The following DST variants were observed in gnomAD, a reference collection of about 807,000 sequenced individuals.
The protein encoded by DST is dystonin.
Under a neutral mutation model 875.2 loss-of-function variants are expected in DST, and 253 were observed. The ratio of observed to expected loss-of-function variants is 0.29; its 90% CI spans 0.26 to 0.32. DST has a LOEUF of 0.32. Among genes scored for constraint, DST ranks in the 10% least tolerant of loss-of-function variants. The pLI is 1.00. For missense variants in DST, 8,287 were observed against 9,111.6 expected (o/e 0.91, Z 3.68); for synonymous variants, 3,124 against 3,197.1 (o/e 0.98, Z 0.77).
intron 5 of DST, among the ~76,000 whole-genome samples, chr6:56,732,595 C>T (rs2099505189): frequency 6.6e-6 from 1 of 152,132 alleles, no homozygotes; most frequent in African/African-American, 2.4e-5. Flanking sequence ...GTAACAGTAA[C>T]TTATACAATC....
chr6:56,824,498 G>C (rs1223855971), intron 4 of DST, among the ~76,000 whole-genome samples: 1 of 150,746 alleles, frequency 6.6e-6, no homozygotes, highest in Non-Finnish European at 1.5e-5. Context: ...CCCTCTCCCT[G>C]GCTGCCCAGT....
chr6:56,736,577 T>C (rs956788092), intron 4 of DST, among the ~76,000 whole-genome samples: 5 of 152,192 alleles, frequency 3.3e-5, no homozygotes, highest in African/African-American at 1.2e-4. Flanking sequence ...TTCTCCATCC[T>C]TTCCCTGGGG....
intron 2 of DST, among the ~76,000 whole-genome samples, chr6:56,916,770 T>TCACACA (rs1801202858): frequency 9.7e-6 from 1 of 103,274 alleles, no homozygotes; most frequent in African/African-American, 3.9e-5. Context: ...TCTCTCTCTC[T>TCACACA]CTCTCTCTCA....
chr6:56,560,294 C>T lies in DST; in HGVS notation c.14440G>A (p.Asp4814Asn), dbSNP rs200442117. ...PRWKQMLTEIDSKWQELNQLT... is the reference protein window; with the variant it reads ...PRWKQMLTEINSKWQELNQLT... Reference sequence around the variant, plus strand: ...CATTCATCTAAGTAACGCAACATACCTATTTCTGTCAACATCTGTTTCCAT... The same window carrying T: ...CATTCATCTAAGTAACGCAACATACTTATTTCTGTCAACATCTGTTTCCAT... The change falls in exon 58 of 104, where the codon GAT (aspartate) becomes AAT (asparagine). Residue 4814 changes from aspartate to asparagine, a missense_variant and splice_region_variant. This residue lies in a region of DST where 1,513 missense variants were observed against 1,677.8 expected (regional missense o/e 0.90). Coordinates refer to ENST00000680361, the MANE Select transcript of DST (RefSeq NM_001374736.1). The T allele has an allele frequency of 3.2e-4, 507 of 1,604,470 alleles. 1 individual carries two copies. In the African/African-American group the frequency reaches 4.8e-3, roughly 15 times the overall value.
At chr6:56,626,921 T>C (rs2098739867) in intron 34 of DST, among the ~76,000 whole-genome samples, 1 of 151,788 alleles carries the variant, frequency 6.6e-6, no homozygotes, top group South Asian at 2.1e-4. Context: ...ACCCTAACAA[T>C]GTTAAAGAAA....
chr6:56,759,960 A>C (rs960266166), intron 4 of DST, among the ~76,000 whole-genome samples: 2 of 152,238 alleles, frequency 1.3e-5, no homozygotes, highest in Non-Finnish European at 2.9e-5. Context: ...TGCACTGCAT[A>C]TGTCAAAATC....
chr6:56,603,090 T>C, intron 42 of DST, 59 bp from the exon 43 acceptor site: 1 of 1,541,632 alleles, frequency 6.5e-7, no homozygotes, highest in East Asian at 2.3e-5. Flanking sequence ...TTCTTACAAA[T>C]AATGACTGTG....
chr6:56,952,765 C>T (rs1229628835), intron 2 of DST, among the ~76,000 whole-genome samples: 2 of 152,068 alleles, frequency 1.3e-5, no homozygotes, highest in African/African-American at 4.8e-5. Context: ...TATCACACAG[C>T]TAGTTAATGT....
At chr6:56,602,089 A>G in intron 43 of DST, 2 of 333,894 alleles carry the variant, frequency 6.0e-6, no homozygotes, top group South Asian at 5.0e-5. Context: ...GGGATTTGAA[A>G]TATGAATGAA....
At chr6:56,813,373 TTAAAG>T (rs1174047440) in intron 4 of DST, among the ~76,000 whole-genome samples, 2 of 146,476 alleles carry the variant, frequency 1.4e-5, no homozygotes, top group African/African-American at 5.2e-5. Context: ...ACCCTAAAAC[TTAAAG>T]TATAATAATA....
chr6:56,616,599 T>C lies in DST; in HGVS notation c.4930-2115A>G, dbSNP rs112473525. ...TTGTTATTGGGATTAGGGAAAACTC[T>C]TGTGTTGCTGGATGGCTCATGTAAA... is the stretch of plus-strand genomic sequence containing the variant. On this transcript the variant is annotated intron_variant, in intron 36 of 103. Coordinates refer to ENST00000680361, the MANE Select transcript of DST (RefSeq NM_001374736.1). The C allele has an allele frequency of 5.1e-4, 817 of 1,614,038 alleles. No individual in the cohort carries two copies. The highest frequency in any genetic ancestry group is 5.0e-4 in the Non-Finnish European group (585 of 1,180,038).
chr6:56,471,854 C>T, intron 94 of DST: 6 of 604,348 alleles, frequency 9.9e-6, no homozygotes, highest in South Asian at 6.0e-5. Context: ...TCATTGATTC[C>T]CTAAATCCAA....
chr6:56,478,837 A>T (rs1482132479), intron 90 of DST, among the ~76,000 whole-genome samples: 2 of 152,264 alleles, frequency 1.3e-5, no homozygotes, highest in African/African-American at 4.8e-5. Flanking sequence ...ACCTAAAAAA[A>T]CTCTTCTGGA....
In DST at chr6:56,468,971, C is replaced by T; in HGVS notation, c.22569+11G>A. The T allele has an allele frequency of 1.3e-6, 2 of 1,574,076 alleles. No individual in the cohort carries two copies. Among genetic ancestry groups the T allele is most frequent in the Non-Finnish European group, 1.7e-6 (2 of 1,157,936 alleles). On this transcript the variant is annotated intron_variant, in intron 98 of 103. Coordinates refer to ENST00000680361, the MANE Select transcript of DST (RefSeq NM_001374736.1). ...ATCAGGAACTTGAGAATACATTCCA[C>T]TGGTTTATACCTGATTTCCCAGGAA...
intron 59 of DST, 24 bp from the exon 60 acceptor site, chr6:56,555,864 C>A: frequency 6.9e-7 from 1 of 1,451,002 alleles, no homozygotes. Context: ...GGTAAACAAA[C>A]GCAAATTATT....
intron 5 of DST, among the ~76,000 whole-genome samples, chr6:56,726,414 C>G (rs2099458456): frequency 6.6e-6 from 1 of 152,172 alleles, no homozygotes; most frequent in Non-Finnish European, 1.5e-5. Context: ...TCAAAGAAAC[C>G]TGGCTACATC....
intron 3 of DST, among the ~76,000 whole-genome samples, chr6:56,865,561 G>T (rs897873027): frequency 5.9e-5 from 9 of 152,098 alleles, no homozygotes; most frequent in African/African-American, 2.2e-4. Flanking sequence ...TCACTGTGTT[G>T]CTCAGGCTGG....
In DST at chr6:56,601,512, C is replaced by G. The variant is rs746198649; in HGVS notation, c.11472G>C (p.Glu3824Asp). Reference sequence around the variant, plus strand: ...AACGTTCCACCTGGGTAGTTACTGACTCCTGTACATCAAGAAAACACTTCT... The same window carrying G: ...AACGTTCCACCTGGGTAGTTACTGAGTCCTGTACATCAAGAAAACACTTCT... Reference protein sequence around the residue: ...TTQKCFLDVQESVTTQVERLE... With the variant: ...TTQKCFLDVQDSVTTQVERLE... The change falls in exon 44 of 104, where the codon GAG (glutamate) becomes GAC (aspartate). Residue 3824 changes from glutamate (E) to aspartate (D), a missense_variant. Around this residue, in one of 10 missense-constraint regions of DST, gnomAD observed 3,138 missense variants for 3,116.6 expected, o/e 1.01. Transcript: ENST00000680361. 1.4e-5 allele frequency: 23 copies of G among 1,606,430 alleles called. No individual in the cohort carries two copies. Among genetic ancestry groups the G allele is most frequent in the Non-Finnish European group, 2.0e-5 (23 of 1,176,728 alleles).
In DST at chr6:56,619,830, T is replaced by C. The variant is rs866110458; in HGVS notation, c.4929+4700A>G. 8 of 1,614,194 alleles carry C rather than the reference T, an allele frequency of 5.0e-6. No individual in the cohort carries two copies. The highest frequency in any genetic ancestry group is 2.2e-5 in the East Asian group (1 of 44,880). ...AGTTTATCTTTTAGCAAACGAGCCT[T>C]TTCCTCAGATGACGTTTTTTCAAGC... On this transcript the variant is annotated intron_variant, in intron 36 of 103. Transcript: ENST00000680361.
Sources: allele counts gnomAD v4.1 joint callset (sites outside exome capture counted in the v4.1 genomes callset), GRCh38; gene constraint gnomAD v4.1.1; regional missense constraint gnomAD v4.1.1; transcripts MANE v1.5; gene names NCBI Gene and HGNC (gene_info 2026-07-23, HGNC 2026-07-21).